The following GRID2 variants were observed in gnomAD, a reference collection of about 807,000 sequenced individuals.
The protein encoded by GRID2 is glutamate ionotropic receptor delta type subunit 2.
GRID2 carries 33 observed loss-of-function variants against 114.8 expected under a neutral mutation model. The ratio of observed to expected loss-of-function variants is 0.29; its 90% CI spans 0.22 to 0.38. GRID2 has a LOEUF of 0.38. GRID2 is among the 10% of genes least tolerant of loss of function. The probability of loss-of-function intolerance (pLI) is 1.00; values close to 1 mark genes in which losing one functional copy is unlikely to be tolerated. For synonymous variants in GRID2, 505 were observed against 449.9 expected (o/e 1.12, Z -1.55); for missense variants, 1,184 against 1,257.7 (o/e 0.94, Z 0.89).
intron 2 of GRID2, among the ~76,000 whole-genome samples, chr4:92,649,278 GC>G (rs1328632023): frequency 1.3e-5 from 2 of 149,146 alleles, no homozygotes; most frequent in African/African-American, 5.0e-5. Flanking sequence ...AACCAAGAAA[GC>G]TCATGGTGAA....
intron 1 of GRID2, among the ~76,000 whole-genome samples, chr4:92,481,981 GATATAT>G (rs35103752): frequency 0.024 from 1,122 of 46,106 alleles, 12 homozygotes; most frequent in East Asian, 0.031. Flanking sequence ...AATAAAATGT[GATATAT>G]ATATATATAT....
chr4:92,929,218 A>G (rs1318224429), intron 2 of GRID2, among the ~76,000 whole-genome samples: 5 of 151,384 alleles, frequency 3.3e-5, no homozygotes, highest in African/African-American at 1.2e-4. Flanking sequence ...GCACCTGTTA[A>G]TATTATTGTT....
At chr4:92,477,825 A>G (rs1359601714) in intron 1 of GRID2, among the ~76,000 whole-genome samples, 3 of 147,274 alleles carry the variant, frequency 2.0e-5, no homozygotes, top group African/African-American at 4.9e-5. Flanking sequence ...TTAAAATAAT[A>G]TATATTTTAA....
chr4:93,330,442 A>T (rs1040432335), intron 8 of GRID2, among the ~76,000 whole-genome samples: 1 of 152,200 alleles, frequency 6.6e-6, no homozygotes, highest in Non-Finnish European at 1.5e-5. Context: ...CTGATTATAT[A>T]TTTAGTTAAT....
At chr4:92,958,902 G>A (rs1752605467) in intron 2 of GRID2, among the ~76,000 whole-genome samples, 1 of 151,848 alleles carries the variant, frequency 6.6e-6, no homozygotes, top group Admixed American at 6.6e-5. Context: ...TTAGCAGATT[G>A]TGTCTTTCAA....
intron 2 of GRID2, among the ~76,000 whole-genome samples, chr4:92,910,667 G>A (rs943913928): frequency 6.6e-6 from 1 of 151,908 alleles, no homozygotes; most frequent in Non-Finnish European, 1.5e-5. Context: ...TATCCTTGGG[G>A]GACTGGTTTT....
chr4:92,441,312 A>T (rs1486420504), intron 1 of GRID2, among the ~76,000 whole-genome samples: 1 of 152,126 alleles, frequency 6.6e-6, no homozygotes, highest in Non-Finnish European at 1.5e-5. Flanking sequence ...GATTGAAGTA[A>T]TGGGGGCTGT....
intron 2 of GRID2, among the ~76,000 whole-genome samples, chr4:92,762,440 G>T (rs1442931284): frequency 2.6e-5 from 3 of 116,132 alleles, no homozygotes; most frequent in Admixed American, 1.9e-4. Context: ...CAATTTCCTT[G>T]CTAAAATTAA....
chr4:92,427,307 A>T (rs1183438600), intron 1 of GRID2, among the ~76,000 whole-genome samples: 1 of 152,172 alleles, frequency 6.6e-6, no homozygotes, highest in Non-Finnish European at 1.5e-5. Flanking sequence ...AAAACGTATG[A>T]CAAATATATT....
At chr4:93,748,599 C>G (rs922816652) in intron 14 of GRID2, among the ~76,000 whole-genome samples, 2 of 152,254 alleles carry the variant, frequency 1.3e-5, no homozygotes, top group East Asian at 3.9e-4. Flanking sequence ...TTACAGGAAT[C>G]GAAACCAAGA....
At chr4:93,116,629 T>A (rs1363492520) in intron 4 of GRID2, among the ~76,000 whole-genome samples, 1 of 152,118 alleles carries the variant, frequency 6.6e-6, no homozygotes. Context: ...TTCTGGTGCA[T>A]CCTTAAAATC....
intron 2 of GRID2, among the ~76,000 whole-genome samples, chr4:92,864,294 A>G (rs529682440): frequency 8.5e-5 from 13 of 152,308 alleles, no homozygotes; most frequent in African/African-American, 3.1e-4. Context: ...GTTCTTTTGG[A>G]GGACAGTACT....
chr4:92,887,313 G>A (rs1746443346), intron 2 of GRID2, among the ~76,000 whole-genome samples: 2 of 152,164 alleles, frequency 1.3e-5, no homozygotes, highest in Non-Finnish European at 2.9e-5. Flanking sequence ...AGAGCTTGGT[G>A]CCTGGTGACT....
chr4:93,217,554 T>G (rs1744377061), intron 6 of GRID2, among the ~76,000 whole-genome samples: 1 of 152,036 alleles, frequency 6.6e-6, no homozygotes, highest in Non-Finnish European at 1.5e-5. Flanking sequence ...AAAAAGCCTC[T>G]GTGGTTTTTT....
intron 1 of GRID2, among the ~76,000 whole-genome samples, chr4:92,503,044 T>C (rs2149125065): frequency 6.6e-6 from 1 of 152,164 alleles, no homozygotes; most frequent in African/African-American, 2.4e-5. Context: ...GGTTTCTTAT[T>C]ACAGGTGGTT....
At chr4:92,387,369 C>T (rs1730014203) in intron 1 of GRID2, among the ~76,000 whole-genome samples, 1 of 151,888 alleles carries the variant, frequency 6.6e-6, no homozygotes, top group Admixed American at 6.6e-5. Flanking sequence ...AAATAACAAA[C>T]AGCATCTATG....
intron 1 of GRID2, among the ~76,000 whole-genome samples, chr4:92,402,276 G>T (rs1730822541): frequency 6.6e-6 from 1 of 152,094 alleles, no homozygotes; most frequent in Non-Finnish European, 1.5e-5. Flanking sequence ...TCACAGCCCT[G>T]TTGATCTGTG....
chr4:93,019,169 A>G (rs76880912), intron 2 of GRID2, among the ~76,000 whole-genome samples: 3,385 of 152,214 alleles, frequency 0.022, 70 homozygotes, highest in East Asian at 0.053. Context: ...TCTCCATGAT[A>G]TTTCATTTAT....
chr4:93,283,230 T>C (rs1752829466), intron 8 of GRID2, among the ~76,000 whole-genome samples: 1 of 152,094 alleles, frequency 6.6e-6, no homozygotes, highest in African/African-American at 2.4e-5. Flanking sequence ...GGATGCTATC[T>C]TAAATGTTAT....
Sources: gnomAD v4.1 joint callset for allele counts (sites outside exome capture counted in the v4.1 genomes callset) on GRCh38, gnomAD v4.1.1 for gene constraint, MANE v1.5 for transcripts, NCBI Gene and HGNC (gene_info 2026-07-23, HGNC 2026-07-21) for gene names.